ATXN8OS: variants seen among roughly 807,000 people sequenced by gnomAD.
ATXN8OS encodes the protein ATXN8 opposite strand lncRNA, also known as ATXN8 opposite strand (non-protein coding).
intron 2 of ATXN8OS, among the ~76,000 whole-genome samples, chr13:70,120,362 T>C (rs1227630000): frequency 6.6e-6 from 1 of 152,148 alleles, no homozygotes; most frequent in African/African-American, 2.4e-5. Context: ...TTAATTAAGT[T>C]AGTGATTTAA....
At chr13:70,126,344 C>T (rs1458065657) in intron 2 of ATXN8OS, among the ~76,000 whole-genome samples, 1 of 152,042 alleles carries the variant, frequency 6.6e-6, no homozygotes, top group Non-Finnish European at 1.5e-5. Flanking sequence ...AAAAGCTAAA[C>T]ATATATATTT....
At chr13:70,141,619 C>A (rs1302429625) in intron 3 of ATXN8OS, among the ~76,000 whole-genome samples, 1 of 151,674 alleles carries the variant, frequency 6.6e-6, no homozygotes, top group South Asian at 2.1e-4. Context: ...TGTGTGTGTA[C>A]GTATATATAT....
chr13:70,138,851 T>C (rs1888655721), intron 3 of ATXN8OS, among the ~76,000 whole-genome samples: 1 of 152,124 alleles, frequency 6.6e-6, no homozygotes, highest in Non-Finnish European at 1.5e-5. Flanking sequence ...ATTAATAATT[T>C]AAATAATTTA....
chr13:70,155,207 T>C (rs1397137933), intron 4 of ATXN8OS, among the ~76,000 whole-genome samples: 1 of 152,166 alleles, frequency 6.6e-6, no homozygotes, highest in Non-Finnish European at 1.5e-5. Flanking sequence ...CTCTCTAATA[T>C]CTGATCCAAT....
At chr13:70,121,648 A>G (rs576991603) in intron 2 of ATXN8OS, among the ~76,000 whole-genome samples, 1 of 152,274 alleles carries the variant, frequency 6.6e-6, no homozygotes, top group East Asian at 1.9e-4. Context: ...TAATTTAGGA[A>G]ATGTAGAACT....
intron 4 of ATXN8OS, among the ~76,000 whole-genome samples, chr13:70,149,231 G>A (rs1230917855): frequency 6.6e-6 from 1 of 152,006 alleles, no homozygotes; most frequent in African/African-American, 2.4e-5. Context: ...TTAGATGTAA[G>A]TCATTTCATA....
intron 3 of ATXN8OS, chr13:70,139,222 C>T: frequency 2.2e-6 from 1 of 450,924 alleles, no homozygotes; most frequent in Non-Finnish European, 3.9e-6. Flanking sequence ...ACTATTTCCT[C>T]ATTTGTCCTT....
intron 2 of ATXN8OS, among the ~76,000 whole-genome samples, chr13:70,124,093 T>A (rs1459359163): frequency 6.6e-6 from 1 of 152,120 alleles, no homozygotes; most frequent in African/African-American, 2.4e-5. Context: ...TTTATATTAT[T>A]TCCTTAGCAT....
chr13:70,118,200 A>C (rs1888308092), intron 2 of ATXN8OS, among the ~76,000 whole-genome samples: 1 of 152,066 alleles, frequency 6.6e-6, no homozygotes, highest in Non-Finnish European at 1.5e-5. Context: ...GAGTTGGGAG[A>C]ATAATGAGAA....
At chr13:70,130,510 C>A (rs115164685) in intron 3 of ATXN8OS, among the ~76,000 whole-genome samples, 1,798 of 151,992 alleles carry the variant, frequency 0.012, 31 homozygotes, top group African/African-American at 0.041. Context: ...AGGAAGAATG[C>A]GTGATACAGA....
At chr13:70,155,607 G>A (rs1395159603) in intron 4 of ATXN8OS, among the ~76,000 whole-genome samples, 1 of 152,094 alleles carries the variant, frequency 6.6e-6, no homozygotes, top group Non-Finnish European at 1.5e-5. Context: ...TTCCCAAAAA[G>A]AAGATCAAGG....
chr13:70,107,529 G>C, upstream of ATXN8OS: 1 of 1,611,480 alleles, frequency 6.2e-7, no homozygotes, highest in Non-Finnish European at 8.5e-7. Flanking sequence ...CTTGGCTTTT[G>C]AGCAGGCGAC....
chr13:70,128,917 G>C (rs1189708994), intron 2 of ATXN8OS, among the ~76,000 whole-genome samples: 2 of 151,348 alleles, frequency 1.3e-5, no homozygotes, highest in African/African-American at 4.9e-5. Flanking sequence ...CTGGAGTGCA[G>C]TGGCGCAATC....
intron 2 of ATXN8OS, among the ~76,000 whole-genome samples, chr13:70,127,728 T>C (rs1479758736): frequency 2.3e-5 from 3 of 130,896 alleles, no homozygotes; most frequent in Non-Finnish European, 4.9e-5. Context: ...AGTTAGAGAG[T>C]ACAAACATCA....
intron 3 of ATXN8OS, chr13:70,131,134 C>A (rs1888527583): frequency 2.5e-6 from 1 of 398,332 alleles, no homozygotes; most frequent in South Asian, 1.3e-4. Context: ...TCCAAGGGCA[C>A]ACACATACCA....
chr13:70,160,171 T>A (rs550146341), intron 4 of ATXN8OS, among the ~76,000 whole-genome samples: 1 of 123,858 alleles, frequency 8.1e-6, no homozygotes, highest in South Asian at 3.0e-4. Flanking sequence ...GTTGACTTTT[T>A]GTGAGCACTC....
chr13:70,107,638 A>T, upstream of ATXN8OS: 1 of 1,562,122 alleles, frequency 6.4e-7, no homozygotes. Context: ...GTGGCTGAAG[A>T]GTTTCCAGCG....
intron 2 of ATXN8OS, among the ~76,000 whole-genome samples, chr13:70,126,398 GGTGC>G (rs1269830554): frequency 1.3e-5 from 2 of 152,028 alleles, no homozygotes; most frequent in African/African-American, 4.8e-5. Flanking sequence ...AGGTGGGTAA[GGTGC>G]TTAATCTGAC....
At chr13:70,170,764 A>C (rs150736189) in exon 5 of ATXN8OS, among the ~76,000 whole-genome samples, 55 of 152,226 alleles carry the variant, frequency 3.6e-4, no homozygotes, top group African/African-American at 1.3e-3. Context: ...TGTTCTGAGA[A>C]ATGCATTATT....
Sources: gnomAD v4.1 joint callset for allele counts (sites outside exome capture counted in the v4.1 genomes callset) on GRCh38, gnomAD v4.1.1 for gene constraint, MANE v1.5 for transcripts, NCBI Gene and HGNC (gene_info 2026-07-23, HGNC 2026-07-21) for gene names.